The following MTHFD1L variants were observed in gnomAD, a reference collection of about 807,000 sequenced individuals.
MTHFD1L encodes methylenetetrahydrofolate dehydrogenase (NADP+ dependent) 1 like.
Under a neutral mutation model 119.5 loss-of-function variants are expected in MTHFD1L, and 81 were observed. That is an observed-to-expected ratio of 0.68 (90% CI 0.57 to 0.82). The LOEUF (loss-of-function observed/expected upper bound fraction) is 0.82, where lower values mean the gene tolerates loss of function less well. MTHFD1L is among the 40% of genes least tolerant of loss of function. The probability of loss-of-function intolerance (pLI) is 0.00; values close to 1 mark genes in which losing one functional copy is unlikely to be tolerated. For synonymous variants in MTHFD1L, 430 were observed against 475.2 expected (o/e 0.90, Z 1.24); for missense variants, 1,125 against 1,253.4 (o/e 0.90, Z 1.55).
intron 13 of MTHFD1L, among the ~76,000 whole-genome samples, chr6:150,944,272 C>A (rs543357043): frequency 6.6e-6 from 1 of 152,066 alleles, no homozygotes; most frequent in Non-Finnish European, 1.5e-5. Context: ...ATAGCAAGAC[C>A]CCCATCTCCA....
intron 27 of MTHFD1L, among the ~76,000 whole-genome samples, chr6:151,095,630 C>T (rs897134446): frequency 6.6e-6 from 1 of 152,236 alleles, no homozygotes; most frequent in Admixed American, 6.5e-5. Flanking sequence ...TATACGGGGC[C>T]TGCAGGGCAG....
At chr6:150,922,159 C>A (rs769629602) in intron 9 of MTHFD1L, 46 bp from the exon 10 acceptor site, 3 of 1,397,102 alleles carry the variant, frequency 2.1e-6, no homozygotes, top group East Asian at 2.3e-5. Flanking sequence ...TGTGCCCTGT[C>A]AGCTTTTACC....
Position 150,938,625 on chromosome 6 carries a change from G to A in MTHFD1L, c.1394-74G>A, listed in dbSNP as rs899306835. 5.3e-6 allele frequency: 8 copies of A among 1,519,964 alleles called. No homozygotes were observed. The African/African-American group carries it at 1.1e-4, about 21-fold the overall frequency. The allele number at this position is 1,519,964 out of a possible 1,614,324, so 94.2% of individuals were successfully genotyped here. On this transcript the variant is annotated intron_variant, in intron 12 of 27. Coordinates refer to ENST00000367321, the MANE Select transcript of MTHFD1L (RefSeq NM_015440.5). ...CTCTCTGTTGGGTTTGGGGAGCTGTGTCCCTTGGCCTGTGTCCATCGTGGC... is the reference window on the plus strand; with the variant it reads ...CTCTCTGTTGGGTTTGGGGAGCTGTATCCCTTGGCCTGTGTCCATCGTGGC...
chr6:150,994,064 T>TAAAAAAAAAAAAAA (rs746589557), intron 20 of MTHFD1L, among the ~76,000 whole-genome samples: 1 of 74,276 alleles, frequency 1.3e-5, no homozygotes, highest in African/African-American at 7.6e-5. Flanking sequence ...ACAACAACAG[T>TAAAAAAAAAAAAAA]AAAAAAAAAA....
At position 150,968,411 on chromosome 6, in the gene MTHFD1L, G is replaced by A. The variant is rs764894197; in HGVS notation, c.2013+3374G>A. On this transcript the variant is annotated intron_variant, in intron 19 of 27. Transcript: ENST00000367321. ...AATAACTGAATAAGAGAAAAAATACGAAGTGATGTGATATTCCTTCATAAC... is the reference window on the plus strand; with the variant it reads ...AATAACTGAATAAGAGAAAAAATACAAAGTGATGTGATATTCCTTCATAAC... Among the ~76,000 whole-genome samples, 8 of 152,306 alleles carry A rather than the reference G, an allele frequency of 5.3e-5. 1 individual carries two copies. In the East Asian group the frequency reaches 5.8e-4, roughly 11 times the overall value.
chr6:150,934,586 A>G (rs897585835), intron 11 of MTHFD1L, among the ~76,000 whole-genome samples: 1 of 152,214 alleles, frequency 6.6e-6, no homozygotes, highest in Non-Finnish European at 1.5e-5. Context: ...TATTTGCTGA[A>G]TGAATGACTC....
chr6:150,952,706 T>C (rs1241875673), intron 16 of MTHFD1L, among the ~76,000 whole-genome samples: 1 of 152,084 alleles, frequency 6.6e-6, no homozygotes, highest in Non-Finnish European at 1.5e-5. Flanking sequence ...ATTTTTGTAT[T>C]TTTAGTAGAG....
At chr6:151,061,437 A>G (rs746644495) in intron 26 of MTHFD1L, among the ~76,000 whole-genome samples, 3 of 152,186 alleles carry the variant, frequency 2.0e-5, no homozygotes, top group Non-Finnish European at 4.4e-5. Context: ...AACAAAAGCA[A>G]ATGTTCAGCA....
intron 18 of MTHFD1L, among the ~76,000 whole-genome samples, chr6:150,962,119 A>G (rs1796533923): frequency 6.6e-6 from 1 of 152,048 alleles, no homozygotes; most frequent in Non-Finnish European, 1.5e-5. Flanking sequence ...CCTCCCAAGT[A>G]GCTGGGATTA....
intron 4 of MTHFD1L, among the ~76,000 whole-genome samples, chr6:150,882,460 T>G (rs563214097): frequency 6.6e-6 from 1 of 152,364 alleles, no homozygotes; most frequent in Non-Finnish European, 1.5e-5. Flanking sequence ...TTAATAGCTG[T>G]TGAGCTTTGG....
Position 150,960,296 on chromosome 6 carries a change from G to T in MTHFD1L, c.1825G>T (p.Ala609Ser). 6.2e-7 allele frequency: 1 copy of T among 1,613,592 alleles called. No individual in the cohort carries two copies. Among genetic ancestry groups the T allele is most frequent in the Non-Finnish European group, 8.5e-7 (1 of 1,179,770 alleles). ...YRQAQFDIAV[A>S]SEIMAVLALT... ...TCAGGCGCAGTTTGACATCGCAGTGGCCAGCGAGATCATGGCGGTGCTGGC... is the reference window on the plus strand; with the variant it reads ...TCAGGCGCAGTTTGACATCGCAGTGTCCAGCGAGATCATGGCGGTGCTGGC... The change falls in exon 18 of 28, where the codon GCC (alanine) becomes TCC (serine). Residue 609 changes from alanine to serine, a missense_variant. Ala to Ser is a moderately conservative substitution (Grantham distance 99, BLOSUM62 1). Around this residue, in one of 3 missense-constraint regions of MTHFD1L, gnomAD observed 1,058 missense variants for 1,151.2 expected, o/e 0.92. Coordinates refer to ENST00000367321, the MANE Select transcript of MTHFD1L (RefSeq NM_015440.5).
At chr6:151,008,885 G>A (rs1209756738) in intron 20 of MTHFD1L, among the ~76,000 whole-genome samples, 1 of 152,010 alleles carries the variant, frequency 6.6e-6, no homozygotes, top group Non-Finnish European at 1.5e-5. Context: ...GGGAGGCCAA[G>A]GTGGGCAGAT....
At position 151,039,931 on chromosome 6, in the gene MTHFD1L, T is replaced by C. The variant is rs1786815862; in HGVS notation, c.2847+2814T>C. Among the ~76,000 whole-genome samples, 1 of 124,366 alleles carries C rather than the reference T, an allele frequency of 8.0e-6. No individual in the cohort carries two copies. Among genetic ancestry groups the C allele is most frequent in the Admixed American group, 8.6e-5 (1 of 11,596 alleles). The allele number at this position is 124,366 out of a possible 152,430, so 81.6% of individuals were successfully genotyped here. A position where few individuals can be genotyped will look rare whatever the true frequency, so the allele number is the denominator to read the frequency against. ...CTTCATCTCTAAATACATACATACATACATACATACATACATGCATACATG... is the reference window on the plus strand; with the variant it reads ...CTTCATCTCTAAATACATACATACACACATACATACATACATGCATACATG... On this transcript the variant is annotated intron_variant, in intron 26 of 27. Coordinates refer to ENST00000367321, the MANE Select transcript of MTHFD1L (RefSeq NM_015440.5). The surrounding 1 kb of genome is among the most constrained non-coding windows in gnomAD (Gnocchi z 4.4).
chr6:151,015,653 C>T lies in MTHFD1L; in HGVS notation c.2546C>T (p.Ala849Val), dbSNP rs35829704. Reference protein sequence around the residue: ...VDLARAVREAASKRSRFQFLY... With the variant: ...VDLARAVREAVSKRSRFQFLY... ...TTGGCTCGGGCTGTGAGAGAGGCTGCGAGTAAAAGAAGCCGATTCCAGTTC... is the reference window on the plus strand; with the variant it reads ...TTGGCTCGGGCTGTGAGAGAGGCTGTGAGTAAAAGAAGCCGATTCCAGTTC... Residue 849 changes from alanine to valine, a missense_variant, in exon 24 of 28, where the codon GCG (alanine) becomes GTG (valine). Physicochemically the swap from Ala to Val is moderately conservative, Grantham distance 64. Transcript: ENST00000367321. 21 of 1,613,662 alleles carry T rather than the reference C, an allele frequency of 1.3e-5. No individual in the cohort carries two copies. The highest frequency in any genetic ancestry group is 5.0e-5 in the Admixed American group (3 of 59,926).
chr6:151,066,412 TG>T (rs1791262716), intron 26 of MTHFD1L, among the ~76,000 whole-genome samples: 1 of 111,980 alleles, frequency 8.9e-6, no homozygotes, highest in African/African-American at 3.5e-5. Context: ...CACTCCAGCC[TG>T]GGCGACAGAG....
chr6:150,871,159 T>C (rs191817171), intron 1 of MTHFD1L, among the ~76,000 whole-genome samples: 1 of 145,928 alleles, frequency 6.9e-6, no homozygotes, highest in African/African-American at 2.5e-5. Context: ...AATATATATA[T>C]ACACCTTAAT....
chr6:150,973,978 T>C (rs947922423), intron 20 of MTHFD1L, among the ~76,000 whole-genome samples: 1 of 152,252 alleles, frequency 6.6e-6, no homozygotes, highest in South Asian at 2.1e-4. Flanking sequence ...ATATGAACTA[T>C]GTTCAGGTCA....
intron 24 of MTHFD1L, among the ~76,000 whole-genome samples, chr6:151,031,112 T>C (rs548583594): frequency 6.6e-6 from 1 of 152,362 alleles, no homozygotes; most frequent in East Asian, 1.9e-4. Flanking sequence ...ACAACATTCC[T>C]GGCACCATAT....
At chr6:150,872,402 A>G (rs1235517000) in intron 1 of MTHFD1L, among the ~76,000 whole-genome samples, 1 of 152,166 alleles carries the variant, frequency 6.6e-6, no homozygotes, top group African/African-American at 2.4e-5. Context: ...CTTAGAGGCC[A>G]CTGTAGTTAC....
Sources: allele counts gnomAD v4.1 joint callset (sites outside exome capture counted in the v4.1 genomes callset), GRCh38; gene constraint gnomAD v4.1.1; regional missense constraint gnomAD v4.1.1; non-coding constraint Gnocchi (gnomAD v3.1); transcripts MANE v1.5; gene names NCBI Gene and HGNC (gene_info 2026-07-23, HGNC 2026-07-21).